The following GALNT13 variants were observed in gnomAD, a reference collection of about 807,000 sequenced individuals.
GALNT13 encodes the protein UDP-GalNAc:polypeptide N-acetylgalactosaminyltransferase 13.
Under a neutral mutation model 64.2 loss-of-function variants are expected in GALNT13, and 28 were observed. The ratio of observed to expected loss-of-function variants is 0.44; its 90% CI spans 0.32 to 0.60. The LOEUF (loss-of-function observed/expected upper bound fraction) is 0.60. Among genes scored for constraint, GALNT13 ranks in the 20% least tolerant of loss-of-function variants. The pLI is 0.05. For synonymous variants in GALNT13, 214 were observed against 224.6 expected (o/e 0.95, Z 0.42); for missense variants, 577 against 669.8 (o/e 0.86, Z 1.53).
chr2:153,842,522 C>A, the GALNT13 span, among the ~76,000 whole-genome samples: 1 of 152,206 alleles, frequency 6.6e-6, no homozygotes, highest in Non-Finnish European at 1.5e-5. Flanking sequence ...CAACTTCAAA[C>A]CAACTCAGTC....
chr2:153,477,740 C>T, the GALNT13 span: 1 of 156,656 alleles, frequency 6.4e-6, no homozygotes, highest in South Asian at 2.0e-4. Context: ...CCCCTCCCCT[C>T]CAGGGCAGGG....
chr2:153,498,506 T>C, the GALNT13 span, among the ~76,000 whole-genome samples: 2 of 152,232 alleles, frequency 1.3e-5, no homozygotes, highest in African/African-American at 2.4e-5. Flanking sequence ...GCATGCTGGC[T>C]GCTGTGGTGG....
chr2:153,295,103 C>T, the GALNT13 span, among the ~76,000 whole-genome samples: 1 of 152,114 alleles, frequency 6.6e-6, no homozygotes, highest in Non-Finnish European at 1.5e-5. Flanking sequence ...TGTTCCAGGA[C>T]TCCCTCAGAG....
intron 11 of GALNT13, among the ~76,000 whole-genome samples, chr2:154,422,272 CTG>C (rs900813180): frequency 1.1e-4 from 17 of 152,268 alleles, no homozygotes; most frequent in African/African-American, 3.6e-4. Flanking sequence ...AAAAATGACA[CTG>C]TGAATTCAGC....
the GALNT13 span, among the ~76,000 whole-genome samples, chr2:153,286,030 T>C: frequency 6.6e-6 from 1 of 152,190 alleles, no homozygotes; most frequent in South Asian, 2.1e-4. Flanking sequence ...TATGGGAATA[T>C]AGAATAACTA....
chr2:153,660,444 A>G, the GALNT13 span, among the ~76,000 whole-genome samples: 7 of 151,996 alleles, frequency 4.6e-5, no homozygotes, highest in East Asian at 1.2e-3. Flanking sequence ...TGAGCAAGGA[A>G]CTGATACTGT....
rs1209207642 is a variant in GALNT13, at chr2:154,299,619, TA to T, written c.976-1788del. On this transcript the variant is annotated intron_variant, in intron 8 of 12. Coordinates refer to ENST00000392825, the MANE Select transcript of GALNT13 (RefSeq NM_052917.4). ...ACAGGCGCCCGCCACCATGCCTGGC[TA>T]ATTTTTTTTTTTTTTTCTATTTTTA... Among the ~76,000 whole-genome samples, 4 of 62,624 alleles carry T rather than the reference TA, an allele frequency of 6.4e-5. 1 individual carries two copies. Among genetic ancestry groups the T allele is most frequent in the South Asian group, 1.4e-3 (2 of 1,420 alleles). The allele number at this position is 62,624 out of a possible 152,430, so 41.1% of individuals were successfully genotyped here.
chr2:153,209,898 A>T, the GALNT13 span, among the ~76,000 whole-genome samples: 1 of 152,128 alleles, frequency 6.6e-6, no homozygotes, highest in Non-Finnish European at 1.5e-5. Flanking sequence ...TTAAAGTTTT[A>T]TCCCAATATT....
chr2:153,402,680 A>C, the GALNT13 span, among the ~76,000 whole-genome samples: 2 of 151,818 alleles, frequency 1.3e-5, no homozygotes, highest in African/African-American at 4.8e-5. Context: ...CATTCATTTC[A>C]TCTTCCATTG....
At chr2:153,665,317 A>G in the GALNT13 span, among the ~76,000 whole-genome samples, 1 of 152,338 alleles carries the variant, frequency 6.6e-6, no homozygotes, top group Admixed American at 6.5e-5. Flanking sequence ...ACCCACTAAG[A>G]AAGGAAGCAT....
At chr2:154,165,660 T>C (rs1370891918) in intron 4 of GALNT13, among the ~76,000 whole-genome samples, 1 of 152,198 alleles carries the variant, frequency 6.6e-6, no homozygotes, top group Non-Finnish European at 1.5e-5. Flanking sequence ...TTCTGATTCC[T>C]CATAGTGAAA....
chr2:153,622,546 G>T, the GALNT13 span, among the ~76,000 whole-genome samples: 1 of 152,192 alleles, frequency 6.6e-6, no homozygotes, highest in Non-Finnish European at 1.5e-5. Flanking sequence ...CAAAGGGCAA[G>T]GCACTGTGAT....
At chr2:153,360,050 G>A in the GALNT13 span, among the ~76,000 whole-genome samples, 2 of 152,196 alleles carry the variant, frequency 1.3e-5, no homozygotes, top group Admixed American at 6.5e-5. Context: ...CCATCCAAAA[G>A]AACCAAAACA....
the GALNT13 span, among the ~76,000 whole-genome samples, chr2:153,819,707 G>T: frequency 6.6e-6 from 1 of 152,156 alleles, no homozygotes; most frequent in Non-Finnish European, 1.5e-5. Context: ...ACCATCTACT[G>T]GCCAGTCCAT....
the GALNT13 span, among the ~76,000 whole-genome samples, chr2:153,719,340 C>T: frequency 6.6e-6 from 1 of 152,158 alleles, no homozygotes; most frequent in African/African-American, 2.4e-5. Flanking sequence ...GAACATTTTC[C>T]TGAGGGCTAC....
chr2:153,646,708 C>T, the GALNT13 span, among the ~76,000 whole-genome samples: 32,260 of 151,768 alleles, frequency 0.21, 4,335 homozygotes, highest in Middle Eastern at 0.44. Context: ...TGAGAATATG[C>T]GGTGTTTGGT....
chr2:153,650,727 G>A, the GALNT13 span, among the ~76,000 whole-genome samples: 2 of 152,080 alleles, frequency 1.3e-5, no homozygotes, highest in South Asian at 2.1e-4. Flanking sequence ...TAGAAGCTTA[G>A]TTTGGCTGGA....
At chr2:153,476,706 G>A in the GALNT13 span, among the ~76,000 whole-genome samples, 1 of 152,170 alleles carries the variant, frequency 6.6e-6, no homozygotes, top group Admixed American at 6.5e-5. Context: ...ACAAAGAACA[G>A]GCTGAATCTT....
chr2:154,093,387 A>C (rs1482299138), intron 3 of GALNT13, among the ~76,000 whole-genome samples: 1 of 151,960 alleles, frequency 6.6e-6, no homozygotes, highest in African/African-American at 2.4e-5. Context: ...TCAATTTTAA[A>C]TTTTAGCTAA....
Sources: allele counts gnomAD v4.1 joint callset (sites outside exome capture counted in the v4.1 genomes callset), GRCh38; gene constraint gnomAD v4.1.1; transcripts MANE v1.5; gene names NCBI Gene and HGNC (gene_info 2026-07-23, HGNC 2026-07-21).